Variants in RAD51B observed in about 807,000 individuals in gnomAD.
The protein encoded by RAD51B is RAD51 paralog B, also known as DNA repair protein RAD51 homolog 2.
In RAD51B, 38 loss-of-function variants were observed where a neutral mutation model predicts 42.2. That is an observed-to-expected ratio of 0.90 (90% CI 0.70 to 1.18). RAD51B has a LOEUF of 1.18. Among genes scored for constraint, RAD51B ranks in the 50% most tolerant of loss-of-function variants. RAD51B has a pLI of 0.00. For missense variants in RAD51B, 373 were observed against 400.7 expected (o/e 0.93, Z 0.59); for synonymous variants, 154 against 145.2 (o/e 1.06, Z -0.43).
At chr14:68,135,572 T>C (rs533584370) in intron 7 of RAD51B, among the ~76,000 whole-genome samples, 1 of 152,322 alleles carries the variant, frequency 6.6e-6, no homozygotes, top group Non-Finnish European at 1.5e-5. Flanking sequence ...TTTCTTATTA[T>C]GGTAAGCTTG....
At chr14:68,608,494 T>C (rs980168511) in intron 10 of RAD51B, among the ~76,000 whole-genome samples, 2 of 152,166 alleles carry the variant, frequency 1.3e-5, no homozygotes, top group African/African-American at 2.4e-5. Context: ...TGCTGGACTC[T>C]CCCTGCCTAA....
At chr14:68,291,776 G>A (rs1363664571) in intron 7 of RAD51B, 108 bp from the exon 8 acceptor site, 1 of 811,372 alleles carries the variant, frequency 1.2e-6, no homozygotes, top group African/African-American at 1.7e-5. Context: ...GTATTTATCA[G>A]TCTTCTCCTA....
chr14:68,595,647 A>G (rs953426498), exon 11 of RAD51B: 7 of 1,028,792 alleles, frequency 6.8e-6, no homozygotes, highest in Non-Finnish European at 4.7e-6. Context: ...TTATACTAGC[A>G]AAAAAATAGA....
At chr14:68,598,450 G>A (rs79928431), downstream of RAD51B, among the ~76,000 whole-genome samples, 228 of 152,294 alleles carry the variant, frequency 1.5e-3, 3 homozygotes, top group African/African-American at 4.8e-3. Context: ...TGATAAAATC[G>A]CAGAGTGTCT....
At chr14:68,255,952 A>T (rs2080745652) in intron 7 of RAD51B, among the ~76,000 whole-genome samples, 1 of 152,316 alleles carries the variant, frequency 6.6e-6, no homozygotes, top group South Asian at 2.1e-4. Context: ...CACCTTGGAA[A>T]AATTAATGCC....
intron 7 of RAD51B, among the ~76,000 whole-genome samples, chr14:68,265,468 G>A (rs1247125925): frequency 3.3e-5 from 5 of 152,100 alleles, no homozygotes; most frequent in Admixed American, 2.6e-4. Context: ...ACTAACTGTC[G>A]GCCAGGCGCG....
intron 10 of RAD51B, among the ~76,000 whole-genome samples, chr14:68,620,190 GTTAT>G (rs1296393290): frequency 6.6e-6 from 1 of 152,112 alleles, no homozygotes; most frequent in African/African-American, 2.4e-5. Flanking sequence ...ATATTTTCTT[GTTAT>G]TTATTATCAT....
At chr14:67,900,023 A>C (rs2043556260) in intron 7 of RAD51B, among the ~76,000 whole-genome samples, 1 of 152,198 alleles carries the variant, frequency 6.6e-6, no homozygotes, top group Non-Finnish European at 1.5e-5. Context: ...AAAACTTTTC[A>C]ATACTTATTG....
chr14:68,594,484 G>A lies in RAD51B; in HGVS notation c.1037-1G>A, dbSNP rs747491614. ...CTTCCTTTTTTTTCTCTCTCTCTTA[G>A]AGACAACATTTTGCTCTGTCACCCA... On this transcript the variant is annotated splice_acceptor_variant, in intron 10 of 10. Transcript: ENST00000487270. LOFTEE classifies it high-confidence loss of function. The A allele has an allele frequency of 3.7e-6, 5 of 1,368,084 alleles. No individual in the cohort carries two copies. The highest frequency in any genetic ancestry group is 1.1e-5 in the South Asian group (1 of 88,000). 84.7% of individuals were successfully genotyped at this position (1,368,084 alleles called of 1,614,324 possible).
At position 68,178,483 on chromosome 14, in the gene RAD51B, A is replaced by T. The variant is rs148390475; in HGVS notation, c.757-113401A>T. Reference sequence around the variant, plus strand: ...AACCACATGAGGAGTTGACATTGGCAACTGGTTTAAGACTTCGATCATAAG... The same window carrying T: ...AACCACATGAGGAGTTGACATTGGCTACTGGTTTAAGACTTCGATCATAAG... On this transcript the variant is annotated intron_variant, in intron 7 of 10. Transcript: ENST00000471583. 2.3e-3 allele frequency among the ~76,000 whole-genome samples: 346 copies of T among 152,270 alleles called. 2 individuals carry two copies. Among genetic ancestry groups the T allele is most frequent in the African/African-American group, 8.0e-3 (333 of 41,544 alleles).
At chr14:68,035,894 T>C (rs2076113650) in intron 7 of RAD51B, among the ~76,000 whole-genome samples, 1 of 152,208 alleles carries the variant, frequency 6.6e-6, no homozygotes, top group Admixed American at 6.5e-5. Context: ...TGTTCGGAAG[T>C]CATAATGTGT....
intron 7 of RAD51B, among the ~76,000 whole-genome samples, chr14:68,008,095 A>G (rs2075621362): frequency 2.0e-5 from 3 of 151,810 alleles, no homozygotes. Context: ...ATTATATAGA[A>G]TATGTCTATA....
chr14:68,613,515 A>G (rs911582985), downstream of RAD51B, among the ~76,000 whole-genome samples: 1 of 148,474 alleles, frequency 6.7e-6, no homozygotes, highest in Non-Finnish European at 1.5e-5. Flanking sequence ...GTGCAGTGGC[A>G]CGATCTCAGC....
intron 7 of RAD51B, among the ~76,000 whole-genome samples, chr14:68,288,308 A>G (rs1275183923): frequency 1.3e-5 from 2 of 152,250 alleles, no homozygotes; most frequent in African/African-American, 4.8e-5. Context: ...AGAAAACCAC[A>G]ACAATTCAGT....
At chr14:68,492,560 C>A (rs1884159778) in intron 10 of RAD51B, among the ~76,000 whole-genome samples, 1 of 152,220 alleles carries the variant, frequency 6.6e-6, no homozygotes, top group African/African-American at 2.4e-5. Flanking sequence ...GCAAAAACTG[C>A]TGACATTTGT....
Position 68,043,107 on chromosome 14 carries a change from T to C in RAD51B, c.756+155903T>C, listed in dbSNP as rs561267997. On this transcript the variant is annotated intron_variant, in intron 7 of 10. Transcript: ENST00000471583. ...ATGTGTGAAACTTTCTAACAGAGCT[T>C]AGGAGTTTGAAGTTTATTTACCTAG... 3.9e-5 allele frequency among the ~76,000 whole-genome samples: 6 copies of C among 152,306 alleles called. No homozygotes were observed. The South Asian group carries it at 1.0e-3, about 26-fold the overall frequency.
chr14:68,489,146 C>A, intron 10 of RAD51B, among the ~76,000 whole-genome samples: 1 of 150,896 alleles, frequency 6.6e-6, no homozygotes, highest in East Asian at 1.9e-4. Flanking sequence ...TTAAATTTTT[C>A]TTTAAATCTT....
At chr14:68,037,827 A>G (rs945097193) in intron 7 of RAD51B, among the ~76,000 whole-genome samples, 1 of 152,242 alleles carries the variant, frequency 6.6e-6, no homozygotes, top group East Asian at 1.9e-4. Context: ...GTAGAGATAA[A>G]CAATGTACTT....
At chr14:68,068,366 C>CA (rs1370403829) in intron 7 of RAD51B, among the ~76,000 whole-genome samples, 3 of 152,192 alleles carry the variant, frequency 2.0e-5, no homozygotes, top group African/African-American at 7.2e-5. Context: ...CTCTATCATA[C>CA]AAAATGTGGC....
Sources: allele counts gnomAD v4.1 joint callset (sites outside exome capture counted in the v4.1 genomes callset), GRCh38; gene constraint gnomAD v4.1.1; transcripts MANE v1.5; gene names NCBI Gene and HGNC (gene_info 2026-07-23, HGNC 2026-07-21).